PTBP2: variants seen among roughly 807,000 people sequenced by gnomAD.
The protein encoded by PTBP2 is polypyrimidine tract binding protein 2, also known as polypyrimidine tract-binding protein 2.
In PTBP2, 13 loss-of-function variants were observed where a neutral mutation model predicts 61.4. That is an observed-to-expected ratio of 0.21 (90% CI 0.14 to 0.34). The LOEUF (loss-of-function observed/expected upper bound fraction) is 0.34. PTBP2 is among the 10% of genes least tolerant of loss of function. The pLI is 1.00. For missense variants in PTBP2, 405 were observed against 642.6 expected, an observed-to-expected ratio of 0.63 and a Z score of 4.00; for synonymous variants, 215 against 218.5, an observed-to-expected ratio of 0.98 and a Z score of 0.14.
At chr1:96,770,555 A>G (rs938670052) in intron 4 of PTBP2, among the ~76,000 whole-genome samples, 153 bp from the exon 5 acceptor site, 1 of 152,080 alleles carries the variant, frequency 6.6e-6, no homozygotes, top group Non-Finnish European at 1.5e-5. Context: ...CTAAACTTCA[A>G]CAAGAGATTT....
intron 3 of PTBP2, among the ~76,000 whole-genome samples, chr1:96,764,702 A>C (rs1283115399): frequency 1.3e-5 from 2 of 152,230 alleles, no homozygotes; most frequent in African/African-American, 2.4e-5. Context: ...GTATTCCAGT[A>C]GATTATTTCA....
chr1:96,773,605 G>A (rs1392095717), intron 5 of PTBP2, among the ~76,000 whole-genome samples: 3 of 152,054 alleles, frequency 2.0e-5, no homozygotes, highest in East Asian at 1.9e-4. Context: ...AATGAAGAGC[G>A]TTTACTAAGC....
At chr1:96,779,246 A>G (rs1658382999) in intron 7 of PTBP2, among the ~76,000 whole-genome samples, 1 of 152,054 alleles carries the variant, frequency 6.6e-6, no homozygotes, top group Admixed American at 6.6e-5. Flanking sequence ...TCAATGTGGT[A>G]TGAGGTTTTA....
intron 2 of PTBP2, among the ~76,000 whole-genome samples, chr1:96,734,712 G>C (rs936500071): frequency 3.3e-5 from 5 of 151,734 alleles, no homozygotes; most frequent in Non-Finnish European, 5.9e-5. Context: ...CAGTAAATTG[G>C]TAGTTAGATC....
At chr1:96,724,248 TTTTTTTG>T (rs146225022) in intron 2 of PTBP2, among the ~76,000 whole-genome samples, 40,504 of 151,436 alleles carry the variant, frequency 0.27, 6,577 homozygotes, top group South Asian at 0.44. Context: ...TATTGTAATT[TTTTTTTG>T]TTTTTTGTTT....
intron 5 of PTBP2, 118 bp downstream of exon 5, chr1:96,770,969 T>C (rs1657309661): frequency 2.4e-6 from 2 of 837,158 alleles, no homozygotes; most frequent in South Asian, 4.1e-5. Context: ...TTTCTTGTTA[T>C]TTTTAAGGTA....
At chr1:96,765,785 T>C (rs1057182018) in intron 3 of PTBP2, among the ~76,000 whole-genome samples, 7 of 152,060 alleles carry the variant, frequency 4.6e-5, no homozygotes, top group Admixed American at 6.5e-5. Context: ...TTATATTTAA[T>C]AAGTAAAGAT....
chr1:96,735,945 T>C (rs766547786), intron 2 of PTBP2, among the ~76,000 whole-genome samples: 4 of 152,064 alleles, frequency 2.6e-5, no homozygotes, highest in Non-Finnish European at 5.9e-5. Context: ...ACCAAAGACA[T>C]AGAGATCTTT....
chr1:96,815,607 A>T (rs1662451815), downstream of PTBP2: 2 of 152,304 alleles, frequency 1.3e-5, no homozygotes, highest in African/African-American at 4.8e-5. Context: ...TTGTTCTGTT[A>T]TAAAATATCC....
chr1:96,802,725 G>A (rs1340786250), intron 8 of PTBP2, among the ~76,000 whole-genome samples: 1 of 152,026 alleles, frequency 6.6e-6, no homozygotes, highest in Non-Finnish European at 1.5e-5. Context: ...TGCCATCAGT[G>A]GGATCTCATA....
chr1:96,726,980 C>T (rs1246384591), intron 2 of PTBP2, among the ~76,000 whole-genome samples: 1 of 152,054 alleles, frequency 6.6e-6, no homozygotes, highest in Non-Finnish European at 1.5e-5. Flanking sequence ...TCATATATAC[C>T]CTTGTGAAAC....
intron 2 of PTBP2, among the ~76,000 whole-genome samples, chr1:96,736,439 GA>G (rs1652192355): frequency 2.0e-5 from 3 of 152,232 alleles, no homozygotes; most frequent in Non-Finnish European, 4.4e-5. Context: ...GAGTTCTGAT[GA>G]TCTAGTATTG....
intron 2 of PTBP2, among the ~76,000 whole-genome samples, chr1:96,727,188 A>G (rs1650689543): frequency 6.6e-6 from 1 of 152,220 alleles, no homozygotes; most frequent in Non-Finnish European, 1.5e-5. Flanking sequence ...TAGTCCACTC[A>G]GAATAATTAT....
chr1:96,797,126 G>GA (rs1204529590), intron 8 of PTBP2, among the ~76,000 whole-genome samples: 1 of 152,122 alleles, frequency 6.6e-6, no homozygotes, highest in African/African-American at 2.4e-5. Context: ...ATTTTGATGG[G>GA]AAAGAGTGTG....
intron 3 of PTBP2, among the ~76,000 whole-genome samples, chr1:96,751,903 CAT>C (rs1654594043): frequency 6.6e-6 from 1 of 152,012 alleles, no homozygotes; most frequent in African/African-American, 2.4e-5. Flanking sequence ...AATTCAGCTA[CAT>C]AGTTGTTTAA....
chr1:96,773,825 T>A (rs1354559460), intron 5 of PTBP2, among the ~76,000 whole-genome samples: 1 of 151,214 alleles, frequency 6.6e-6, no homozygotes, highest in Non-Finnish European at 1.5e-5. Flanking sequence ...TAGCTGGGCG[T>A]GGTGGCGGGC....
chr1:96,806,133 C>T (rs1400421159), intron 9 of PTBP2, among the ~76,000 whole-genome samples: 1 of 152,048 alleles, frequency 6.6e-6, no homozygotes, highest in Non-Finnish European at 1.5e-5. Context: ...TTCACCTTCC[C>T]TTTCCTTGTC....
intron 3 of PTBP2, among the ~76,000 whole-genome samples, chr1:96,759,289 A>G (rs1655520102): frequency 6.6e-6 from 1 of 152,232 alleles, no homozygotes; most frequent in South Asian, 2.1e-4. Context: ...AAAAGGAGCT[A>G]GGACAATTAA....
chr1:96,798,286 A>G (rs887180801), intron 8 of PTBP2, among the ~76,000 whole-genome samples: 1 of 150,396 alleles, frequency 6.6e-6, no homozygotes, highest in South Asian at 2.1e-4. Context: ...GGCGCCTGTA[A>G]TCTTAGCTAC....
Sources: gnomAD v4.1 joint callset for allele counts (sites outside exome capture counted in the v4.1 genomes callset) on GRCh38, gnomAD v4.1.1 for gene constraint, MANE v1.5 for transcripts, NCBI Gene and HGNC (gene_info 2026-07-23, HGNC 2026-07-21) for gene names.